Variants in EPAS1 observed in about 807,000 individuals in gnomAD.
EPAS1 encodes endothelial PAS domain protein 1.
Under a neutral mutation model 87.9 loss-of-function variants are expected in EPAS1, and 23 were observed. The observed-to-expected ratio is 0.26, with a 90% CI of 0.19 to 0.37. The LOEUF (loss-of-function observed/expected upper bound fraction) is 0.37, where lower values mean the gene tolerates loss of function less well. Ranked by LOEUF, EPAS1 falls within the 10% of genes least tolerant of loss-of-function variation. The probability of loss-of-function intolerance (pLI) is 1.00; values close to 1 mark genes in which losing one functional copy is unlikely to be tolerated. For synonymous variants in EPAS1, 508 were observed against 444.3 expected (o/e 1.14, Z -1.80); for missense variants, 1,138 against 1,120.7 (o/e 1.02, Z -0.22).
At chr2:46,359,663 C>A (rs1330054017) in intron 4 of EPAS1, among the ~76,000 whole-genome samples, 1 of 152,112 alleles carries the variant, frequency 6.6e-6, no homozygotes, top group Non-Finnish European at 1.5e-5. Context: ...CAGTCAAGAT[C>A]CTCTGGAAGT....
intron 1 of EPAS1, among the ~76,000 whole-genome samples, chr2:46,338,084 C>G (rs542034416): frequency 6.6e-6 from 1 of 152,194 alleles, no homozygotes; most frequent in Non-Finnish European, 1.5e-5. Flanking sequence ...ACCTGAGGGA[C>G]TTGCTTATTG....
At chr2:46,368,770 T>G (rs948501744) in intron 6 of EPAS1, among the ~76,000 whole-genome samples, 1 of 152,176 alleles carries the variant, frequency 6.6e-6, no homozygotes, top group African/African-American at 2.4e-5. Context: ...ACTTCTAACT[T>G]GTGATAGGCC....
intron 11 of EPAS1, chr2:46,379,878 C>G: frequency 2.5e-6 from 1 of 403,618 alleles, no homozygotes; most frequent in South Asian, 2.2e-5. Context: ...CAAGGATAAC[C>G]ACCACAGGCT....
chr2:46,349,594 G>T (rs1158868565), intron 2 of EPAS1, among the ~76,000 whole-genome samples: 1 of 152,224 alleles, frequency 6.6e-6, no homozygotes, highest in Non-Finnish European at 1.5e-5. Context: ...CCCAAGGAAA[G>T]AAATGAAGGA....
intron 1 of EPAS1, among the ~76,000 whole-genome samples, chr2:46,328,928 T>TA (rs1008744383): frequency 2.0e-5 from 3 of 152,120 alleles, no homozygotes; most frequent in Admixed American, 6.5e-5. Context: ...TTTTTGTTCA[T>TA]AAAAAAAATT....
chr2:46,357,121 A>G (rs1684285353), intron 4 of EPAS1, among the ~76,000 whole-genome samples: 1 of 152,214 alleles, frequency 6.6e-6, no homozygotes, highest in Admixed American at 6.5e-5. Flanking sequence ...GACACCACCC[A>G]AACCAATGAG....
rs906770188 is a variant in EPAS1, at chr2:46,375,619, C to T, written c.887-71C>T. ...CTGCAGATTAGACTGCCCTCCCATG[C>T]GATCTGCTGAGCCTGTGGTGCACAC... On this transcript the variant is annotated intron_variant, in intron 7 of 15. Coordinates refer to ENST00000263734, the MANE Select transcript of EPAS1 (RefSeq NM_001430.5). This position sits in a 1 kb window ranked among gnomAD's most constrained non-coding sequence, Gnocchi z 4.1. 24 of 1,555,844 alleles carry T rather than the reference C, an allele frequency of 1.5e-5. No individual in the cohort carries two copies. The African/African-American group carries it at 1.9e-4, about 12-fold the overall frequency.
chr2:46,347,429 T>G lies in EPAS1; in HGVS notation c.217+366T>G, dbSNP rs868477854. The G allele has an allele frequency of 2.3e-5, 8 of 349,588 alleles. No homozygotes were observed. The highest frequency in any genetic ancestry group is 5.4e-5 in the South Asian group (2 of 37,146). The allele number at this position is 349,588 out of a possible 1,614,324, so 21.7% of individuals were successfully genotyped here. ...TAGATTGAGTCCGCAGGAAGCATTC[T>G]AATCCTTAACTTCCAGTGCCTTCTC... is the stretch of plus-strand genomic sequence containing the variant. On this transcript the variant is annotated intron_variant, in intron 2 of 15. Transcript: ENST00000263734. This position sits in a 1 kb window ranked among gnomAD's most constrained non-coding sequence, Gnocchi z 4.2.
intron 1 of EPAS1, among the ~76,000 whole-genome samples, chr2:46,313,086 C>A (rs927049654): frequency 1.3e-5 from 2 of 152,198 alleles, no homozygotes; most frequent in African/African-American, 4.8e-5. Context: ...CAGACAGCTA[C>A]TAGCAGAGAA....
rs1288781868 is a variant in EPAS1, at chr2:46,376,763, TCTTAGCTAAG to T, written c.1249+12_1249+21del. 4 of 1,611,670 alleles carry T rather than the reference TCTTAGCTAAG, an allele frequency of 2.5e-6. No homozygotes were observed. Among genetic ancestry groups the T allele is most frequent in the Non-Finnish European group, 2.5e-6 (3 of 1,179,818 alleles). On this transcript the variant is annotated intron_variant, in intron 9 of 15. Coordinates refer to ENST00000263734, the MANE Select transcript of EPAS1 (RefSeq NM_001430.5). ...ATCTCTCTGGATTTCGGTGGGTGCT[TCTTAGCTAAG>T]CCAGGCCCCTGGAACCCCGTTGGGG...
At chr2:46,311,357 C>T (rs1429510695) in intron 1 of EPAS1, among the ~76,000 whole-genome samples, 1 of 152,062 alleles carries the variant, frequency 6.6e-6, no homozygotes, top group African/African-American at 2.4e-5. Context: ...AGGGAAGGGC[C>T]CTCTACAGTT....
In EPAS1 at chr2:46,369,991, T is replaced by G. The variant is rs1477241010; in HGVS notation, c.886+58T>G. 3.8e-6 allele frequency: 5 copies of G among 1,320,270 alleles called. No homozygotes were observed. In the East Asian group the frequency reaches 1.2e-4, roughly 32 times the overall value. The allele number at this position is 1,320,270 out of a possible 1,614,324, so 81.8% of individuals were successfully genotyped here. On this transcript the variant is annotated intron_variant, in intron 7 of 15. Coordinates refer to ENST00000263734, the MANE Select transcript of EPAS1 (RefSeq NM_001430.5). ...TGTGTCTGTGGTATGTGGCCTTGAGTGGGGTGTGACTGGTGAGACAGAAGA... is the reference window on the plus strand; with the variant it reads ...TGTGTCTGTGGTATGTGGCCTTGAGGGGGGTGTGACTGGTGAGACAGAAGA...
Position 46,356,726 on chromosome 2 carries a change from G to A in EPAS1, c.372G>A (p.Val124=). The change falls in exon 4 of 16, where the codon GTG becomes GTA. Residue 124 remains valine (V), a splice_region_variant and synonymous_variant. Coordinates refer to ENST00000263734, the MANE Select transcript of EPAS1 (RefSeq NM_001430.5). ...GCCTAACCTTGTTTTTGAAACAGGT[G>A]GAGCTAACAGGACATAGTATCTTTG... is the stretch of plus-strand genomic sequence containing the variant. ...NISKFMGLTQ[V]ELTGHSIFDF... The A allele has an allele frequency of 2.5e-6, 4 of 1,612,466 alleles. No homozygotes were observed. Among genetic ancestry groups the A allele is most frequent in the Non-Finnish European group, 2.5e-6 (3 of 1,178,472 alleles).
chr2:46,358,912 G>A (rs1268893892), intron 4 of EPAS1, among the ~76,000 whole-genome samples: 1 of 152,140 alleles, frequency 6.6e-6, no homozygotes, highest in African/African-American at 2.4e-5. Context: ...ACAATGGGGA[G>A]CTATTGAAGG....
chr2:46,334,013 G>T (rs1409708801), intron 1 of EPAS1, among the ~76,000 whole-genome samples: 1 of 152,190 alleles, frequency 6.6e-6, no homozygotes, highest in Non-Finnish European at 1.5e-5. Flanking sequence ...AGAATGCCTT[G>T]CGGAGGTCTC....
intron 8 of EPAS1, 69 bp from the exon 9 acceptor site, chr2:46,376,470 A>C: frequency 6.7e-7 from 1 of 1,499,594 alleles, no homozygotes; most frequent in Non-Finnish European, 9.3e-7. Context: ...GAGGGTTTCC[A>C]TGCATCTAGG....
chr2:46,362,853 A>G lies in EPAS1; in HGVS notation c.779+1763A>G, dbSNP rs1196025761. On this transcript the variant is annotated intron_variant, in intron 6 of 15. Transcript: ENST00000263734. ...GCCTTTGGAGCTAGTGGGTAGTTATATAAGTAGAAAGAAATGCTCTAACCT... is the reference window on the plus strand; with the variant it reads ...GCCTTTGGAGCTAGTGGGTAGTTATGTAAGTAGAAAGAAATGCTCTAACCT... Among the ~76,000 whole-genome samples the G allele has an allele frequency of 3.9e-5, 6 of 152,148 alleles. No homozygotes were observed. The South Asian group carries it at 6.2e-4, about 16-fold the overall frequency.
chr2:46,377,497 G>A (rs762546625), intron 9 of EPAS1, among the ~76,000 whole-genome samples: 24 of 152,342 alleles, frequency 1.6e-4, no homozygotes, highest in Non-Finnish European at 2.6e-4. Flanking sequence ...AAGAGAATCT[G>A]AAACGCAGCG....
At chr2:46,355,039 C>T (rs6739968) in intron 2 of EPAS1, among the ~76,000 whole-genome samples, 3,143 of 152,190 alleles carry the variant, frequency 0.021, 115 homozygotes, top group African/African-American at 0.072. Context: ...CAAAGCGACC[C>T]CCTCGTCCTC....
Sources: allele counts gnomAD v4.1 joint callset (sites outside exome capture counted in the v4.1 genomes callset), GRCh38; gene constraint gnomAD v4.1.1; non-coding constraint Gnocchi (gnomAD v3.1); transcripts MANE v1.5; gene names NCBI Gene and HGNC (gene_info 2026-07-23, HGNC 2026-07-21).